ABCA10: variants seen among roughly 807,000 people sequenced by gnomAD.
ABCA10 encodes the protein ATP binding cassette subfamily A member 10.
In ABCA10, 169 loss-of-function variants were observed where a neutral mutation model predicts 187.5. The observed-to-expected ratio is 0.90, with a 90% CI of 0.80 to 1.02. The LOEUF (loss-of-function observed/expected upper bound fraction) is 1.02, where lower values mean the gene tolerates loss of function less well. Ranked by LOEUF, ABCA10 falls within the 50% of genes least tolerant of loss-of-function variation. The pLI, the probability that ABCA10 is intolerant of heterozygous loss-of-function variation, is 0.00. For synonymous variants in ABCA10, 574 were observed against 601.8 expected (o/e 0.95, Z 0.68); for missense variants, 1,727 against 1,812.4 (o/e 0.95, Z 0.86).
At chr17:69,202,465 G>C (rs551074429) in intron 9 of ABCA10, among the ~76,000 whole-genome samples, 4 of 152,222 alleles carry the variant, frequency 2.6e-5, no homozygotes, top group Admixed American at 2.6e-4. Context: ...CGTAAGGCTG[G>C]ACAACTGTTG....
At chr17:69,229,653 A>G (rs2074817687), upstream of ABCA10, among the ~76,000 whole-genome samples, 2 of 151,938 alleles carry the variant, frequency 1.3e-5, no homozygotes, top group South Asian at 4.2e-4. Flanking sequence ...CATTTTCATT[A>G]GGAATATGGA....
chr17:69,234,722 TTAATTTTGA>T (rs1172027510), intron 1 of ABCA10: 1 of 152,234 alleles, frequency 6.6e-6, no homozygotes, highest in Non-Finnish European at 1.5e-5. Context: ...CTCTCCCCAG[TTAATTTTGA>T]TGCTGCTGGT....
chr17:69,176,941 T>C (rs747013461), intron 22 of ABCA10, among the ~76,000 whole-genome samples: 5 of 152,132 alleles, frequency 3.3e-5, no homozygotes, highest in Non-Finnish European at 5.9e-5. Flanking sequence ...TTCTCCTTTA[T>C]ATCCTGCACT....
chr17:69,179,161 G>A (rs961087007), intron 22 of ABCA10, among the ~76,000 whole-genome samples: 2 of 149,380 alleles, frequency 1.3e-5, no homozygotes, highest in Non-Finnish European at 3.0e-5. Flanking sequence ...CAGCTTGGGT[G>A]ACAAGAGCAA....
At chr17:69,226,402 C>T (rs1007743553) in intron 2 of ABCA10, among the ~76,000 whole-genome samples, 1 of 152,046 alleles carries the variant, frequency 6.6e-6, no homozygotes, top group Non-Finnish European at 1.5e-5. Flanking sequence ...GCTTCGGAAG[C>T]TATTGCAGAA....
chr17:69,226,322 T>A (rs1301534360), intron 2 of ABCA10, among the ~76,000 whole-genome samples: 6 of 152,086 alleles, frequency 3.9e-5, no homozygotes, highest in Non-Finnish European at 7.4e-5. Context: ...ATACTTTTTT[T>A]AAATTCTAGT....
rs886362176 is a variant in ABCA10, at chr17:69,178,073, A to T, written c.2770-2560T>A. The stretch of plus-strand genomic sequence containing the variant: ...CTATATGGGAGGTGCTCAATAACTA[A>T]GAATAGTTGTTTTTAAGATGAAAGC... On this transcript the variant is annotated intron_variant, in intron 22 of 38. Coordinates refer to ENST00000690296, the MANE Select transcript of ABCA10 (RefSeq NM_001377321.1). Among the ~76,000 whole-genome samples the T allele has an allele frequency of 3.5e-5, 5 of 142,324 alleles. No individual in the cohort carries two copies. In the Admixed American group the frequency reaches 3.6e-4, roughly 10 times the overall value. 93.4% of individuals were successfully genotyped at this position (142,324 alleles called of 152,430 possible).
chr17:69,224,158 G>A lies in ABCA10; in HGVS notation c.34+1167C>T, dbSNP rs140036963. Reference sequence around the variant, plus strand: ...CAGCCAGGGATAACAATACCCATTCGAAAGCTTGGATAGGTTAGGCACAGA... The same window carrying A: ...CAGCCAGGGATAACAATACCCATTCAAAAGCTTGGATAGGTTAGGCACAGA... On this transcript the variant is annotated intron_variant, in intron 3 of 38. Transcript: ENST00000690296. Among the ~76,000 whole-genome samples, 861 of 152,192 alleles carry A rather than the reference G, an allele frequency of 5.7e-3. 9 individuals are homozygous for A. Among genetic ancestry groups the A allele is most frequent in the African/African-American group, 0.019 (807 of 41,526 alleles).
At chr17:69,224,685 T>C (rs542338084) in intron 3 of ABCA10, among the ~76,000 whole-genome samples, 67 of 111,106 alleles carry the variant, frequency 6.0e-4, no homozygotes, top group Non-Finnish European at 2.1e-4. Context: ...AAAAGTCTTA[T>C]GGGAAAAAAA....
At chr17:69,168,961 T>C (rs910503939) in intron 25 of ABCA10, among the ~76,000 whole-genome samples, 2 of 152,234 alleles carry the variant, frequency 1.3e-5, no homozygotes. Context: ...TATATCTTTA[T>C]CAGCAGTGTG....
chr17:69,174,764 G>T lies in ABCA10; in HGVS notation c.2891C>A (p.Ser964Tyr). The change falls in exon 24 of 39, where the codon TCC becomes TAC. Residue 964 changes from serine (S) to tyrosine (Y), a missense_variant. By Grantham distance (144) the Ser-to-Tyr change is moderately radical. Coordinates refer to ENST00000690296, the MANE Select transcript of ABCA10 (RefSeq NM_001377321.1). ...SISDYKKNVQ[S>Y]QLWISGLWPS... ...CCAGAGGCCTGAAATCCATAACTGG[G>T]ATTGAACATTTTTCTGACAAAGAAT... is the stretch of plus-strand genomic sequence containing the variant. The T allele has an allele frequency of 1.3e-6, 2 of 1,578,536 alleles. No homozygotes were observed. Among genetic ancestry groups the T allele is most frequent in the South Asian group, 1.2e-5 (1 of 83,138 alleles).
intron 1 of ABCA10, among the ~76,000 whole-genome samples, chr17:69,237,119 CT>C (rs2074876673): frequency 6.6e-6 from 1 of 152,190 alleles, no homozygotes; most frequent in Non-Finnish European, 1.5e-5. Context: ...CCACTTCTTA[CT>C]CATTTAATTC....
chr17:69,195,911 A>T (rs1045434698), intron 11 of ABCA10, among the ~76,000 whole-genome samples: 3 of 152,284 alleles, frequency 2.0e-5, no homozygotes, highest in Middle Eastern at 3.4e-3. Flanking sequence ...CCAAGGCAGA[A>T]GAATTTTTCT....
chr17:69,196,945 G>A (rs1361444065), intron 11 of ABCA10, 119 bp downstream of exon 11: 4 of 726,848 alleles, frequency 5.5e-6, no homozygotes, highest in Non-Finnish European at 8.7e-6. Context: ...GGAGGTTGCA[G>A]TGAGCCGAGA....
chr17:69,153,652 C>A, intron 32 of ABCA10, 106 bp from the exon 33 acceptor site: 1 of 1,482,056 alleles, frequency 6.7e-7, no homozygotes, highest in South Asian at 1.3e-5. Context: ...TAAATTTAAG[C>A]TTCCTTAACG....
At chr17:69,204,065 A>G (rs1176229537) in intron 9 of ABCA10, among the ~76,000 whole-genome samples, 3 of 152,204 alleles carry the variant, frequency 2.0e-5, no homozygotes, top group Non-Finnish European at 4.4e-5. Context: ...AGTGAAAATT[A>G]TCACCAGGCA....
At position 69,155,011 on chromosome 17, in the gene ABCA10, G is replaced by C. The variant is rs767539202; in HGVS notation, c.3694+8C>G. On this transcript the variant is annotated splice_region_variant and intron_variant, in intron 30 of 38. Transcript: ENST00000690296. ...TATAATAATAATAAAAGGAACAATT[G>C]TTCAAACCTTTTTTAACACAAAAGG... The C allele has an allele frequency of 7.1e-6, 11 of 1,553,592 alleles. No individual in the cohort carries two copies. The South Asian group carries it at 1.0e-4, about 14-fold the overall frequency.
chr17:69,184,087 G>A (rs776360217), intron 20 of ABCA10, among the ~76,000 whole-genome samples: 6 of 152,010 alleles, frequency 3.9e-5, no homozygotes, highest in Non-Finnish European at 7.4e-5. Flanking sequence ...TGTCACTGCC[G>A]GCTTTCCCCT....
intron 25 of ABCA10, among the ~76,000 whole-genome samples, chr17:69,170,430 T>C (rs1030412308): frequency 1.5e-5 from 2 of 130,768 alleles, no homozygotes; most frequent in African/African-American, 6.0e-5. Flanking sequence ...TATATTGTTT[T>C]ACTCATCAAA....
Sources: gnomAD v4.1 joint callset for allele counts (sites outside exome capture counted in the v4.1 genomes callset) on GRCh38, gnomAD v4.1.1 for gene constraint, MANE v1.5 for transcripts, NCBI Gene and HGNC (gene_info 2026-07-23, HGNC 2026-07-21) for gene names.